ITGB6: variants seen among roughly 807,000 people sequenced by gnomAD.
ITGB6 encodes the protein integrin subunit beta 6.
A neutral mutation model predicts 84.5 loss-of-function variants in ITGB6; 80 were observed. The observed-to-expected ratio is 0.95, with a 90% CI of 0.79 to 1.14. ITGB6 has a LOEUF of 1.14. Among genes scored for constraint, ITGB6 ranks in the 50% most tolerant of loss-of-function variants. The pLI is 0.00. For synonymous variants in ITGB6, 383 were observed against 354.9 expected (o/e 1.08, Z -0.89); for missense variants, 1,006 against 968.0 (o/e 1.04, Z -0.52).
chr2:160,152,296 A>G (rs1243135875), intron 7 of ITGB6, among the ~76,000 whole-genome samples: 2 of 152,342 alleles, frequency 1.3e-5, no homozygotes, highest in East Asian at 3.9e-4. Flanking sequence ...GGTTCAACAT[A>G]TGCAAATCAA....
At chr2:160,110,851 C>T (rs1045236506) in intron 13 of ITGB6, among the ~76,000 whole-genome samples, 6 of 152,112 alleles carry the variant, frequency 3.9e-5, no homozygotes, top group Non-Finnish European at 7.3e-5. Flanking sequence ...TCTGCTGGCC[C>T]CTGGAAGTGC....
chr2:160,187,077 G>T (rs753828397), intron 4 of ITGB6, among the ~76,000 whole-genome samples: 2 of 151,922 alleles, frequency 1.3e-5, no homozygotes, highest in Non-Finnish European at 2.9e-5. Flanking sequence ...TAACAAACCT[G>T]TACGTTCTGC....
intron 7 of ITGB6, among the ~76,000 whole-genome samples, chr2:160,144,336 G>C (rs1684109355): frequency 6.6e-6 from 1 of 152,154 alleles, no homozygotes; most frequent in South Asian, 2.1e-4. Context: ...GATGATGGAG[G>C]ACCCCCTTTT....
chr2:160,115,186 G>A (rs1381174599), intron 12 of ITGB6, among the ~76,000 whole-genome samples: 2 of 152,230 alleles, frequency 1.3e-5, no homozygotes, highest in Non-Finnish European at 2.9e-5. Context: ...CTGAGAATGG[G>A]CAGACTGCCT....
intron 11 of ITGB6, among the ~76,000 whole-genome samples, chr2:160,124,226 G>C (rs1683148976): frequency 6.6e-6 from 1 of 152,196 alleles, no homozygotes; most frequent in Admixed American, 6.5e-5. Flanking sequence ...TTCCTACAGA[G>C]AGCGTATGTT....
chr2:160,191,276 A>C (rs1686131055), intron 4 of ITGB6, among the ~76,000 whole-genome samples: 1 of 152,194 alleles, frequency 6.6e-6, no homozygotes, highest in Admixed American at 6.6e-5. Context: ...AACTACTCGC[A>C]GATGCCACCT....
chr2:160,108,895 A>C (rs1028469901), intron 13 of ITGB6, among the ~76,000 whole-genome samples: 1 of 152,206 alleles, frequency 6.6e-6, no homozygotes, highest in Non-Finnish European at 1.5e-5. Context: ...GAGATGATAC[A>C]TTTCTTAATG....
chr2:160,116,144 T>C (rs1345674277), intron 12 of ITGB6, among the ~76,000 whole-genome samples: 1 of 149,332 alleles, frequency 6.7e-6, no homozygotes, highest in Non-Finnish European at 1.5e-5. Flanking sequence ...AACGTTCAGA[T>C]TCAGGAAATA....
At position 160,123,239 on chromosome 2, in the gene ITGB6, T is replaced by G. The variant is rs373900828; in HGVS notation, c.1981+552A>C. Among the ~76,000 whole-genome samples, 184 of 152,264 alleles carry G rather than the reference T, an allele frequency of 1.2e-3. 3 individuals are homozygous for G. In the South Asian group the frequency reaches 0.036, roughly 30 times the overall value. ...AAAGAGAATAGGTCTTTCTTGTATT[T>G]TGGGGGTGAGGCAACAGGGAATTGA... On this transcript the variant is annotated intron_variant, in intron 12 of 14. Coordinates refer to ENST00000283249, the MANE Select transcript of ITGB6 (RefSeq NM_000888.5).
At chr2:160,120,936 G>T (rs1044752914) in intron 12 of ITGB6, among the ~76,000 whole-genome samples, 9 of 146,804 alleles carry the variant, frequency 6.1e-5, no homozygotes, top group Non-Finnish European at 1.0e-4. Context: ...GGGAGGGATA[G>T]CATTAGGAGA....
rs1559194633 is a variant in ITGB6 at position 160,172,684 on chromosome 2, A to G, written c.806T>C (p.Val269Ala). ...RNDSLHLLVF[V>A]SDADSHFGMD... ...TCCAAAATGAGAATCAGCATCACTC[A>G]CAAAGACCAGGAGGTGGAGGGAGTC... The change falls in exon 6 of 15, where the codon GTG becomes GCG. Residue 269 changes from valine (V) to alanine (A), a missense_variant. Val to Ala is a moderately conservative substitution (Grantham distance 64). Transcript: ENST00000283249. The G allele has an allele frequency of 6.2e-7, 1 of 1,609,528 alleles. No homozygotes were observed. Among genetic ancestry groups the G allele is most frequent in the Non-Finnish European group, 8.5e-7 (1 of 1,176,034 alleles).
intron 7 of ITGB6, among the ~76,000 whole-genome samples, chr2:160,150,749 G>T (rs945127403): frequency 6.6e-6 from 1 of 152,080 alleles, no homozygotes; most frequent in Non-Finnish European, 1.5e-5. Context: ...AAAATAAAGG[G>T]ATGGAGGAAG....
Position 160,195,597 on chromosome 2 carries a change from T to C in ITGB6, c.365A>G (p.Gln122Arg), listed in dbSNP as rs1337499144. The change falls in exon 4 of 15, where the codon CAG (glutamine) becomes CGG (arginine). Residue 122 changes from glutamine (Q) to arginine (R), a missense_variant. Physicochemically the swap from Gln to Arg is conservative, Grantham distance 43. Transcript: ENST00000283249. ...GTCCTCAGTCTGGCGGACATGCACC[T>C]GCAGAGTCTGCGCACCACCTGCAAA... Reference protein sequence around the residue: ...KLRPGGAQTLQVHVRQTEDYP... With the variant: ...KLRPGGAQTLRVHVRQTEDYP... 1.9e-6 allele frequency: 3 copies of C among 1,614,026 alleles called. No homozygotes were observed. The highest frequency in any genetic ancestry group is 2.5e-6 in the Non-Finnish European group (3 of 1,180,002).
intron 14 of ITGB6, among the ~76,000 whole-genome samples, chr2:160,107,128 G>T (rs1029733789): frequency 4.6e-5 from 7 of 152,072 alleles, no homozygotes; most frequent in Admixed American, 1.3e-4. Flanking sequence ...TACTTTTGGG[G>T]TTTTTTTCAG....
intron 10 of ITGB6, among the ~76,000 whole-genome samples, chr2:160,129,420 A>T (rs941888816): frequency 1.3e-5 from 2 of 148,658 alleles, no homozygotes; most frequent in South Asian, 2.1e-4. Flanking sequence ...AGAAATGTGC[A>T]TTAGGCATTT....
intron 8 of ITGB6, among the ~76,000 whole-genome samples, chr2:160,139,317 AT>A (rs1277010915): frequency 6.6e-6 from 1 of 152,162 alleles, no homozygotes; most frequent in Non-Finnish European, 1.5e-5. Context: ...TCGGCTTCAA[AT>A]TTCCCTTAAG....
intron 12 of ITGB6, among the ~76,000 whole-genome samples, chr2:160,116,410 C>G (rs1216265694): frequency 6.6e-6 from 1 of 151,432 alleles, no homozygotes; most frequent in Non-Finnish European, 1.5e-5. Flanking sequence ...TCCAGCCAAA[C>G]TAAGCTTCAT....
At chr2:160,121,833 G>T (rs1001855466) in intron 12 of ITGB6, among the ~76,000 whole-genome samples, 15 of 149,494 alleles carry the variant, frequency 1.0e-4, no homozygotes, top group Non-Finnish European at 2.2e-4. Context: ...ACATGTTTTT[G>T]ATATGCCCAC....
intron 2 of ITGB6, 120 bp downstream of exon 2, chr2:160,199,057 GAT>G: frequency 1.4e-6 from 1 of 704,914 alleles, no homozygotes; most frequent in Non-Finnish European, 2.5e-6. Flanking sequence ...CTCCTTTCCT[GAT>G]TTGTTTTACT....
Sources: allele counts gnomAD v4.1 joint callset (sites outside exome capture counted in the v4.1 genomes callset), GRCh38; gene constraint gnomAD v4.1.1; transcripts MANE v1.5; gene names NCBI Gene and HGNC (gene_info 2026-07-23, HGNC 2026-07-21).